SPTLC3: variants seen among roughly 807,000 people sequenced by gnomAD.
SPTLC3 encodes the protein serine palmitoyltransferase long chain base subunit 3.
In SPTLC3, 36 loss-of-function variants were observed where a neutral mutation model predicts 59.3. The observed-to-expected ratio is 0.61, with a 90% confidence interval of 0.47 to 0.80. The LOEUF (loss-of-function observed/expected upper bound fraction) is 0.80. SPTLC3 is among the 30% of genes least tolerant of loss of function. The pLI, the probability that SPTLC3 is intolerant of heterozygous loss-of-function variation, is 0.00. For missense variants in SPTLC3, 625 were observed against 685.1 expected (o/e 0.91, Z 0.98); for synonymous variants, 257 against 240.8 (o/e 1.07, Z -0.62).
intron 4 of SPTLC3, among the ~76,000 whole-genome samples, chr20:13,086,764 CTTG>C (rs1989018764): frequency 6.6e-6 from 1 of 151,990 alleles, no homozygotes; most frequent in East Asian, 1.9e-4. Flanking sequence ...TCTCTCTTCC[CTTG>C]TTTTCTTTTT....
At chr20:13,147,737 A>G (rs2038548370) in intron 9 of SPTLC3, among the ~76,000 whole-genome samples, 2 of 152,216 alleles carry the variant, frequency 1.3e-5, no homozygotes. Flanking sequence ...CTCATTTTCC[A>G]AGCAATGCTG....
At chr20:13,149,314 T>A (rs908487951) in intron 9 of SPTLC3, among the ~76,000 whole-genome samples, 11 of 152,212 alleles carry the variant, frequency 7.2e-5, no homozygotes, top group Non-Finnish European at 1.3e-4. Flanking sequence ...CATCCTAGCA[T>A]GGCTGTCCCT....
At chr20:13,127,489 AC>A (rs1426771761) in intron 9 of SPTLC3, among the ~76,000 whole-genome samples, 1 of 152,214 alleles carries the variant, frequency 6.6e-6, no homozygotes, top group African/African-American at 2.4e-5. Flanking sequence ...CTGAAGTCCT[AC>A]ATTGTTTAAT....
chr20:13,065,012 T>C (rs1224547720), intron 2 of SPTLC3, among the ~76,000 whole-genome samples: 1 of 152,178 alleles, frequency 6.6e-6, no homozygotes, highest in Non-Finnish European at 1.5e-5. Context: ...TTGTTATTTT[T>C]ATATTCTAAC....
intron 2 of SPTLC3, among the ~76,000 whole-genome samples, chr20:13,051,790 C>G (rs553917527): frequency 2.6e-5 from 4 of 152,070 alleles, no homozygotes; most frequent in African/African-American, 9.7e-5. Context: ...AAGGAACCTT[C>G]AAAACCATGC....
intron 1 of SPTLC3, among the ~76,000 whole-genome samples, chr20:13,010,857 C>T (rs556510029): frequency 3.9e-5 from 6 of 152,136 alleles, no homozygotes; most frequent in East Asian, 1.9e-4. Context: ...TAATCACATT[C>T]GAGGTATGAG....
At chr20:13,066,627 T>C (rs1988222198) in intron 2 of SPTLC3, among the ~76,000 whole-genome samples, 1 of 152,194 alleles carries the variant, frequency 6.6e-6, no homozygotes, top group African/African-American at 2.4e-5. Context: ...TTTTAAGCAA[T>C]CTGATAATTT....
At chr20:13,097,649 T>A (rs1256290920) in intron 6 of SPTLC3, among the ~76,000 whole-genome samples, 2 of 152,168 alleles carry the variant, frequency 1.3e-5, no homozygotes, top group Non-Finnish European at 2.9e-5. Context: ...TGTCTCCAGA[T>A]ATGATACCCT....
At chr20:13,157,381 G>A (rs962528233) in intron 10 of SPTLC3, among the ~76,000 whole-genome samples, 2 of 151,972 alleles carry the variant, frequency 1.3e-5, no homozygotes, top group African/African-American at 4.8e-5. Flanking sequence ...AGGTTGCAGT[G>A]AGCCAAGATC....
chr20:13,124,981 C>G (rs111769811), intron 8 of SPTLC3, among the ~76,000 whole-genome samples: 3 of 152,128 alleles, frequency 2.0e-5, no homozygotes, highest in Non-Finnish European at 2.9e-5. Context: ...TGAGCTGTGC[C>G]GTTATTCTAA....
rs57913044 is a variant in SPTLC3 at position 13,027,641 on chromosome 20, G to GCA, written c.117+18295_117+18296dup. Among the ~76,000 whole-genome samples, 982 of 144,246 alleles carry GCA rather than the reference G, an allele frequency of 6.8e-3. 9 individuals carry two copies. The highest frequency in any genetic ancestry group is 0.023 in the African/African-American group (858 of 38,084). 94.6% of individuals were successfully genotyped at this position (144,246 alleles called of 152,430 possible). On this transcript the variant is annotated intron_variant, in intron 1 of 11. Coordinates refer to ENST00000399002, the MANE Select transcript of SPTLC3 (RefSeq NM_018327.4). Reference sequence around the variant, plus strand: ...GTTCTTCAGTAATCTATTTCAGCACGCACACACACACACACACACACACAC... The same window carrying GCA: ...GTTCTTCAGTAATCTATTTCAGCACGCACACACACACACACACACACACACAC...
intron 9 of SPTLC3, among the ~76,000 whole-genome samples, chr20:13,139,160 T>A (rs2038321603): frequency 6.6e-6 from 1 of 152,204 alleles, no homozygotes; most frequent in South Asian, 2.1e-4. Flanking sequence ...ATCAAGAAAC[T>A]ATGTTTTTGT....
At chr20:13,042,018 T>C (rs114372216) in intron 1 of SPTLC3, among the ~76,000 whole-genome samples, 65 of 152,344 alleles carry the variant, frequency 4.3e-4, no homozygotes, top group African/African-American at 1.5e-3. Flanking sequence ...CTATTGGTTT[T>C]GACAGTGCCC....
chr20:13,070,164 G>A (rs186133915), intron 2 of SPTLC3, among the ~76,000 whole-genome samples: 67 of 152,232 alleles, frequency 4.4e-4, no homozygotes, highest in Admixed American at 1.8e-3. Context: ...TTGATTATCA[G>A]AAACTTGGAG....
At chr20:13,160,975 T>G (rs1483054409) in intron 11 of SPTLC3, among the ~76,000 whole-genome samples, 1 of 152,122 alleles carries the variant, frequency 6.6e-6, no homozygotes, top group Non-Finnish European at 1.5e-5. Context: ...GACACAATCA[T>G]GTCATTATGA....
At chr20:13,012,273 G>A (rs957201997) in intron 1 of SPTLC3, among the ~76,000 whole-genome samples, 1 of 152,160 alleles carries the variant, frequency 6.6e-6, no homozygotes, top group African/African-American at 2.4e-5. Context: ...AAACAAAAAT[G>A]TTTGGGGATT....
chr20:13,082,237 G>A (rs1988864473), intron 4 of SPTLC3, among the ~76,000 whole-genome samples: 1 of 152,156 alleles, frequency 6.6e-6, no homozygotes, highest in Non-Finnish European at 1.5e-5. Flanking sequence ...ACCATAAGAT[G>A]AGACACATGA....
chr20:13,013,522 T>C (rs958639714), intron 1 of SPTLC3, among the ~76,000 whole-genome samples: 1 of 152,216 alleles, frequency 6.6e-6, no homozygotes, highest in Non-Finnish European at 1.5e-5. Flanking sequence ...TTGGTGTTCA[T>C]TTTCTAATGC....
chr20:13,140,600 G>C (rs1478158159), intron 9 of SPTLC3, among the ~76,000 whole-genome samples: 1 of 151,934 alleles, frequency 6.6e-6, no homozygotes, highest in African/African-American at 2.4e-5. Context: ...GTCTAGATGG[G>C]CAAGTTCACA....
Sources: allele counts gnomAD v4.1 joint callset (sites outside exome capture counted in the v4.1 genomes callset), GRCh38; gene constraint gnomAD v4.1.1; transcripts MANE v1.5; gene names NCBI Gene and HGNC (gene_info 2026-07-23, HGNC 2026-07-21).